The following BRINP1 variants were observed in gnomAD, a reference collection of about 807,000 sequenced individuals.
BRINP1 encodes BMP/retinoic acid inducible neural specific 1.
BRINP1 carries 17 observed loss-of-function variants against 72.9 expected under a neutral mutation model. The observed-to-expected ratio is 0.23, with a 90% confidence interval of 0.16 to 0.35. The LOEUF (loss-of-function observed/expected upper bound fraction) is 0.35, where lower values mean the gene tolerates loss of function less well. BRINP1 is among the 10% of genes least tolerant of loss of function. BRINP1 has a pLI of 1.00. For synonymous variants in BRINP1, 418 were observed against 378.5 expected, an observed-to-expected ratio of 1.10 and a Z score of -1.21; for missense variants, 850 against 1,001.6, an observed-to-expected ratio of 0.85 and a Z score of 2.04.
At chr9:119,284,493 C>T (rs1453334246) in intron 2 of BRINP1, among the ~76,000 whole-genome samples, 1 of 152,068 alleles carries the variant, frequency 6.6e-6, no homozygotes, top group African/African-American at 2.4e-5. Flanking sequence ...TTGTAAGGCT[C>T]AAATGAGATA....
intron 2 of BRINP1, among the ~76,000 whole-genome samples, chr9:119,265,935 C>T (rs1358355827): frequency 6.6e-6 from 1 of 152,190 alleles, no homozygotes; most frequent in Non-Finnish European, 1.5e-5. Context: ...CCCTTCTTTT[C>T]AACCAGTGGT....
chr9:119,282,754 CA>C (rs1830725492), intron 2 of BRINP1: 1 of 974,904 alleles, frequency 1.0e-6, no homozygotes, highest in Non-Finnish European at 1.2e-6. Flanking sequence ...CCTTTATTTT[CA>C]AAAACCCCAA....
chr9:119,346,071 A>C (rs1831448605), intron 1 of BRINP1, among the ~76,000 whole-genome samples: 2 of 152,174 alleles, frequency 1.3e-5, no homozygotes. Flanking sequence ...GGTAGGATTT[A>C]TATCACATTA....
chr9:119,324,545 T>C (rs1831219201), intron 1 of BRINP1, among the ~76,000 whole-genome samples: 1 of 152,180 alleles, frequency 6.6e-6, no homozygotes, highest in Non-Finnish European at 1.5e-5. Context: ...CACCCTACAA[T>C]GCTCAATCAA....
intron 2 of BRINP1, among the ~76,000 whole-genome samples, chr9:119,285,201 CAA>C (rs58381406): frequency 0.087 from 10,528 of 120,908 alleles, 393 homozygotes; most frequent in African/African-American, 0.095. Flanking sequence ...TTGCAGGCAT[CAA>C]AAAAAAAAAA....
intron 2 of BRINP1, among the ~76,000 whole-genome samples, chr9:119,276,229 T>C (rs1221141): frequency 0.015 from 2,349 of 152,326 alleles, 30 homozygotes; most frequent in Middle Eastern, 0.027. Context: ...ATATATCATA[T>C]TTCCTAATGA....
chr9:119,170,352 G>A lies in BRINP1; in HGVS notation c.1146-2128C>T, dbSNP rs1048022640. Among the ~76,000 whole-genome samples, 1,104 of 151,290 alleles carry A rather than the reference G, an allele frequency of 7.3e-3. 17 individuals carry two copies. The highest frequency in any genetic ancestry group is 0.026 in the African/African-American group (1,044 of 40,870). ...GTAGAATGCAGAAGCCTCAGGAGCC[G>A]ATGCGATCAACTGGAAGAAAGGGTA... On this transcript the variant is annotated intron_variant, in intron 7 of 7. Transcript: ENST00000265922.
chr9:119,205,062 G>A (rs910577511), intron 7 of BRINP1, among the ~76,000 whole-genome samples: 4 of 152,198 alleles, frequency 2.6e-5, no homozygotes, highest in African/African-American at 9.6e-5. Context: ...CTCAGCTAGA[G>A]GTGGCCCAAG....
intron 1 of BRINP1, among the ~76,000 whole-genome samples, chr9:119,343,286 G>T (rs1412457765): frequency 6.6e-6 from 1 of 152,142 alleles, no homozygotes; most frequent in Non-Finnish European, 1.5e-5. Context: ...AGTCAGTGAA[G>T]GGTGAATTTT....
intron 1 of BRINP1, among the ~76,000 whole-genome samples, chr9:119,360,765 C>T (rs1375874825): frequency 1.3e-5 from 2 of 152,158 alleles, no homozygotes; most frequent in African/African-American, 4.8e-5. Context: ...TTTGTAGGAC[C>T]TTTGCAAGGC....
chr9:119,268,670 T>C (rs980905436), intron 2 of BRINP1, among the ~76,000 whole-genome samples: 1 of 152,204 alleles, frequency 6.6e-6, no homozygotes, highest in Non-Finnish European at 1.5e-5. Flanking sequence ...TTATTTCTTT[T>C]CTCCACCTAT....
intron 1 of BRINP1, among the ~76,000 whole-genome samples, chr9:119,316,014 T>C (rs1161820710): frequency 6.6e-6 from 1 of 152,330 alleles, no homozygotes; most frequent in Non-Finnish European, 1.5e-5. Flanking sequence ...CTAATGCTGA[T>C]GGAGAAGGTG....
At chr9:119,234,282 A>G (rs1286537635) in intron 5 of BRINP1, among the ~76,000 whole-genome samples, 2 of 152,122 alleles carry the variant, frequency 1.3e-5, no homozygotes, top group Non-Finnish European at 2.9e-5. Context: ...CCTCCTTGAT[A>G]TTGTCAGTCT....
At chr9:119,211,358 C>G (rs185242929) in intron 6 of BRINP1, among the ~76,000 whole-genome samples, 3 of 152,116 alleles carry the variant, frequency 2.0e-5, no homozygotes, top group Admixed American at 2.0e-4. Context: ...CCGCCACACC[C>G]GGCTAATTTT....
chr9:119,316,548 C>T (rs1165729987), intron 1 of BRINP1, among the ~76,000 whole-genome samples: 1 of 152,130 alleles, frequency 6.6e-6, no homozygotes, highest in Non-Finnish European at 1.5e-5. Flanking sequence ...ACGCCAAATG[C>T]TCACCTACCA....
intron 1 of BRINP1, among the ~76,000 whole-genome samples, 182 bp from the exon 2 acceptor site, chr9:119,313,587 T>A (rs767977236): frequency 6.6e-6 from 1 of 152,134 alleles, no homozygotes; most frequent in African/African-American, 2.4e-5. Flanking sequence ...ACAGTTCTGG[T>A]TAAAAACATA....
chr9:119,318,844 G>GGTGTGTGTGTGTGT (rs56756136), intron 1 of BRINP1, among the ~76,000 whole-genome samples: 1 of 142,146 alleles, frequency 7.0e-6, no homozygotes, highest in African/African-American at 2.6e-5. Context: ...AAATGTGTGG[G>GGTGTGTGTGTGTGT]GTGTGTGTGT....
chr9:119,216,030 C>T (rs1048126343), intron 5 of BRINP1, among the ~76,000 whole-genome samples: 5 of 152,176 alleles, frequency 3.3e-5, no homozygotes, highest in Admixed American at 6.5e-5. Flanking sequence ...TGGAAAAGCT[C>T]CTGGCACATA....
intron 1 of BRINP1, among the ~76,000 whole-genome samples, chr9:119,339,298 G>A (rs1831384624): frequency 1.3e-5 from 2 of 152,174 alleles, no homozygotes; most frequent in African/African-American, 2.4e-5. Flanking sequence ...GGCCAGATTT[G>A]GCCCACAGAT....
Sources: gnomAD v4.1 joint callset for allele counts (sites outside exome capture counted in the v4.1 genomes callset) on GRCh38, gnomAD v4.1.1 for gene constraint, MANE v1.5 for transcripts, NCBI Gene and HGNC (gene_info 2026-07-23, HGNC 2026-07-21) for gene names.